The following PRKX variants were observed in gnomAD, a reference collection of about 807,000 sequenced individuals.
The protein encoded by PRKX is protein kinase cAMP-dependent X-linked catalytic subunit.
Under a neutral mutation model 22.0 loss-of-function variants are expected in PRKX, and 12 were observed. The observed-to-expected ratio is 0.54, with a 90% CI of 0.35 to 0.88. The LOEUF is 0.88. Among genes scored for constraint, PRKX ranks in the 40% least tolerant of loss-of-function variants. The probability of loss-of-function intolerance (pLI) is 0.01; values close to 1 mark genes in which losing one functional copy is unlikely to be tolerated. For missense variants in PRKX, 217 were observed against 308.0 expected (o/e 0.70, Z 2.21); for synonymous variants, 134 against 137.7 (o/e 0.97, Z 0.19).
chrX:3,705,016 A>G (rs1285263474), intron 1 of PRKX, among the ~76,000 whole-genome samples: 2 of 112,002 alleles, frequency 1.8e-5, no homozygotes, highest in East Asian at 2.8e-4. Context: ...AGGTAATGAT[A>G]GACCAGCGCA....
chrX:3,674,214 G>A (rs897464830), intron 2 of PRKX, among the ~76,000 whole-genome samples: 22 of 110,918 alleles, frequency 2.0e-4, no homozygotes, highest in Non-Finnish European at 4.2e-4. Context: ...CCCCGTCCAC[G>A]TGACTGTGGT....
chrX:3,690,172 G>C (rs976484705), intron 1 of PRKX, among the ~76,000 whole-genome samples: 2 of 111,530 alleles, frequency 1.8e-5, no homozygotes, highest in South Asian at 3.7e-4. Flanking sequence ...GCTATAACCA[G>C]TGGGTGGGGG....
chrX:3,691,028 C>A (rs1020412550), intron 1 of PRKX, among the ~76,000 whole-genome samples: 3 of 111,299 alleles, frequency 2.7e-5, no homozygotes, highest in African/African-American at 9.8e-5. Flanking sequence ...CGGTAGAGAC[C>A]GAGCACAGTT....
chrX:3,627,112 CAA>C (rs1926674604), intron 4 of PRKX, among the ~76,000 whole-genome samples: 1 of 111,130 alleles, frequency 9.0e-6, no homozygotes, highest in Non-Finnish European at 1.9e-5. Flanking sequence ...CGGCCATTAT[CAA>C]AAAGACACTG....
intron 6 of PRKX, among the ~76,000 whole-genome samples, chrX:3,616,943 T>C (rs1926432073): frequency 9.0e-6 from 1 of 111,201 alleles, no homozygotes; most frequent in Non-Finnish European, 1.9e-5. Flanking sequence ...TACTAAAGGA[T>C]GTGTGTGTCT....
chrX:3,618,629 A>G (rs116177647), intron 6 of PRKX, among the ~76,000 whole-genome samples: 2 of 94,303 alleles, frequency 2.1e-5, no homozygotes, highest in African/African-American at 8.3e-5. Flanking sequence ...TTAAAAAAAA[A>G]ATAAAATAAA....
At chrX:3,680,865 C>A (rs1279288510) in intron 1 of PRKX, among the ~76,000 whole-genome samples, 4 of 111,150 alleles carry the variant, frequency 3.6e-5, no homozygotes, top group Non-Finnish European at 7.5e-5. Flanking sequence ...CCAGCTTGGG[C>A]AACACAGCGA....
At chrX:3,710,243 G>A (rs537385249) in intron 1 of PRKX, among the ~76,000 whole-genome samples, 127 of 111,482 alleles carry the variant, frequency 1.1e-3, no homozygotes, top group Middle Eastern at 4.6e-3. Context: ...AAACGAAATC[G>A]GCCTTTAGAC....
intron 1 of PRKX, among the ~76,000 whole-genome samples, chrX:3,677,063 A>G (rs1927972794): frequency 9.0e-6 from 1 of 111,271 alleles, no homozygotes. Flanking sequence ...AGAATCTACA[A>G]TAGTCAAACT....
At chrX:3,711,014 G>A (rs1187252866) in intron 1 of PRKX, among the ~76,000 whole-genome samples, 1 of 111,545 alleles carries the variant, frequency 9.0e-6, no homozygotes, top group African/African-American at 3.3e-5. Flanking sequence ...AAAGGCTTAG[G>A]ATTTTATAAA....
intron 4 of PRKX, among the ~76,000 whole-genome samples, chrX:3,638,766 A>G (rs1926951919): frequency 9.1e-6 from 1 of 110,179 alleles, no homozygotes; most frequent in Non-Finnish European, 1.9e-5. Flanking sequence ...GATATATAGA[A>G]AAGCAGATAG....
intron 4 of PRKX, among the ~76,000 whole-genome samples, chrX:3,631,639 G>T (rs1926784250): frequency 8.9e-6 from 1 of 112,481 alleles, no homozygotes; most frequent in Admixed American, 9.4e-5. Context: ...ATCTTGAGAT[G>T]AGATCGTCCT....
chrX:3,689,420 G>A (rs1928252397), intron 1 of PRKX, among the ~76,000 whole-genome samples: 1 of 112,337 alleles, frequency 8.9e-6, no homozygotes, highest in African/African-American at 3.2e-5. Flanking sequence ...ATGGTGGCTC[G>A]TGCCTATAAT....
At chrX:3,677,327 CTT>C (rs532175668) in intron 1 of PRKX, among the ~76,000 whole-genome samples, 29,787 of 89,760 alleles carry the variant, frequency 0.33, 3,378 homozygotes, top group East Asian at 0.59. Context: ...ATTGTTTTGT[CTT>C]TTTTTTTTTT....
intron 1 of PRKX, among the ~76,000 whole-genome samples, chrX:3,686,600 C>T (rs1412701656): frequency 1.8e-5 from 2 of 109,327 alleles, no homozygotes; most frequent in South Asian, 4.0e-4. Flanking sequence ...TTCTGTCACC[C>T]AGGCTGGAGT....
In PRKX at chrX:3,683,039, G is replaced by C. The variant is rs1296517271; in HGVS notation, c.167-8273C>G. Reference sequence around the variant, plus strand: ...GCGGCCACAAGCTCAGGGACGCCTGGAGCCCCCAGGAGCTGGGAGAGGCAG... The same window carrying C: ...GCGGCCACAAGCTCAGGGACGCCTGCAGCCCCCAGGAGCTGGGAGAGGCAG... On this transcript the variant is annotated intron_variant, in intron 1 of 8. Transcript: ENST00000262848. Among the ~76,000 whole-genome samples, 3 of 111,081 alleles carry C rather than the reference G, an allele frequency of 2.7e-5. No homozygotes were observed. In the East Asian group the frequency reaches 8.8e-4, roughly 32 times the overall value.
In PRKX at chrX:3,713,481, C is replaced by G. The variant is rs1184983405; in HGVS notation, c.-228G>C. ...AACGGCCCCGAGTGGGAGCAGCCGC[C>G]GGCCTCGGGGGGCGGGCACCGAGTG... On this transcript the variant is annotated 5_prime_UTR_variant, in exon 1 of 9. Transcript: ENST00000262848. 1 of 255,418 alleles carries G rather than the reference C, an allele frequency of 3.9e-6. No homozygotes were observed. The highest frequency in any genetic ancestry group is 6.9e-6 in the Non-Finnish European group (1 of 145,770). 21.0% of individuals were successfully genotyped at this position (255,418 alleles called of 1,213,427 possible).
chrX:3,637,064 G>GGAGA (rs113201179), intron 4 of PRKX, among the ~76,000 whole-genome samples: 1 of 99,105 alleles, frequency 1.0e-5, no homozygotes, highest in Admixed American at 1.1e-4. Context: ...AAGGGAGGAA[G>GGAGA]GAGAGAGAGA....
At chrX:3,617,331 T>A (rs1926448659) in intron 6 of PRKX, among the ~76,000 whole-genome samples, 1 of 110,130 alleles carries the variant, frequency 9.1e-6, no homozygotes, top group South Asian at 3.9e-4. Flanking sequence ...TCCAAACTAG[T>A]GTGTGTGTGT....
Sources: allele counts gnomAD v4.1 joint callset (sites outside exome capture counted in the v4.1 genomes callset), GRCh38; gene constraint gnomAD v4.1.1; transcripts MANE v1.5; gene names NCBI Gene and HGNC (gene_info 2026-07-23, HGNC 2026-07-21).